Variants in UNC5CL observed in about 807,000 individuals in gnomAD.
The protein encoded by UNC5CL is unc-5 family C-terminal like.
UNC5CL carries 42 observed loss-of-function variants against 54.1 expected under a neutral mutation model. The observed-to-expected ratio is 0.78, with a 90% confidence interval of 0.61 to 1.00. The LOEUF (loss-of-function observed/expected upper bound fraction) is 1.00, where lower values mean the gene tolerates loss of function less well. UNC5CL is among the 50% of genes least tolerant of loss of function. The pLI is 0.00. For missense variants in UNC5CL, 619 were observed against 675.6 expected, an observed-to-expected ratio of 0.92 and a Z score of 0.93; for synonymous variants, 285 against 285.1, an observed-to-expected ratio of 1.00 and a Z score of 0.00.
intron 5 of UNC5CL, 75 bp from the exon 6 acceptor site, chr6:41,031,823 C>G: frequency 6.7e-7 from 1 of 1,495,546 alleles, no homozygotes; most frequent in Non-Finnish European, 9.3e-7. Flanking sequence ...AGGTAAGGGA[C>G]TCTATAGTAA....
rs1581974161 is a variant in UNC5CL, at chr6:41,028,510, G to A, written c.1420C>T (p.Leu474Phe). Residue 474 changes from leucine to phenylalanine, a missense_variant, in exon 9 of 9, where the codon CTC (leucine) becomes TTC (phenylalanine). Transcript: ENST00000244565. The surrounding 1 kb of genome is among the most constrained non-coding windows in gnomAD (Gnocchi z 4.3). The part of the protein sequence containing the change: ...QNGSLQELHY[L>F]MTVMERLDCA... ...TCTAGCCGCTCCATGACGGTCATGA[G>A]GTAGTGCAGCTCCTGCAGGCTGCCG... 16 of 1,613,896 alleles carry A rather than the reference G, an allele frequency of 9.9e-6. No homozygotes were observed. The highest frequency in any genetic ancestry group is 1.3e-5 in the Non-Finnish European group (15 of 1,180,022).
At chr6:41,038,348 T>C (rs1165601603) in intron 1 of UNC5CL, among the ~76,000 whole-genome samples, 2 of 152,070 alleles carry the variant, frequency 1.3e-5, no homozygotes, top group Admixed American at 6.5e-5. Context: ...TACACAGCAG[T>C]AACCTTCCTG....
intron 6 of UNC5CL, 119 bp from the exon 7 acceptor site, chr6:41,030,874 C>A: frequency 1.2e-6 from 1 of 869,460 alleles, no homozygotes; most frequent in Non-Finnish European, 1.8e-6. Context: ...TCAGAGCCAC[C>A]TTACCAGGAG....
At chr6:41,036,881 TC>T (rs1007944920) in intron 1 of UNC5CL, among the ~76,000 whole-genome samples, 2 of 152,094 alleles carry the variant, frequency 1.3e-5, no homozygotes, top group Non-Finnish European at 2.9e-5. Flanking sequence ...GGCTGAGACT[TC>T]CCAGTAGCTC....
At position 41,034,021 on chromosome 6, in the gene UNC5CL, T is replaced by A; in HGVS notation, c.546A>T (p.Lys182Asn). 6.2e-7 allele frequency: 1 copy of A among 1,614,164 alleles called. No homozygotes were observed. Among genetic ancestry groups the A allele is most frequent in the East Asian group, 2.2e-5 (1 of 44,880 alleles). Residue 182 changes from lysine to asparagine, a missense_variant, in exon 3 of 9, where the codon AAA becomes AAT. Transcript: ENST00000244565. The part of the protein sequence containing the change: ...SFLKPCTLTF[K>N]HCAEQPSHAR... ...CATGGCTGGGCTGCTCGGCACAGTG[T>A]TTGAACGTGAGAGTGCAAGGCTTCA...
rs1283075291 is a variant in UNC5CL at position 41,028,798 on chromosome 6, G to C, written c.1335-203C>G. ...TGAAACTTGAGATTGTCCTGGCTTG[G>C]AGGCCAACTCTGACCCCTACTCCTC... On this transcript the variant is annotated intron_variant, in intron 8 of 8. Coordinates refer to ENST00000244565, the MANE Select transcript of UNC5CL (RefSeq NM_173561.3). This position sits in a 1 kb window ranked among gnomAD's most constrained non-coding sequence, Gnocchi z 4.3. 6.6e-6 allele frequency among the ~76,000 whole-genome samples: 1 copy of C among 152,090 alleles called. No individual in the cohort carries two copies. Among genetic ancestry groups the C allele is most frequent in the African/African-American group, 2.4e-5 (1 of 41,412 alleles).
At position 41,029,760 on chromosome 6, in the gene UNC5CL, C is replaced by T. The variant is rs1430847577; in HGVS notation, c.1334+628G>A. Among the ~76,000 whole-genome samples, 1 of 152,086 alleles carries T rather than the reference C, an allele frequency of 6.6e-6. No homozygotes were observed. Among genetic ancestry groups the T allele is most frequent in the Non-Finnish European group, 1.5e-5 (1 of 68,012 alleles). On this transcript the variant is annotated intron_variant, in intron 8 of 8. Transcript: ENST00000244565. The surrounding 1 kb of genome is among the most constrained non-coding windows in gnomAD (Gnocchi z 4.1). ...CTGAGGCAGGAGAATTACTTGAACCCGGGAGATGGAGGTTGCAGTGAGCCA... is the reference window on the plus strand; with the variant it reads ...CTGAGGCAGGAGAATTACTTGAACCTGGGAGATGGAGGTTGCAGTGAGCCA...
At chr6:41,036,341 G>A (rs1762523458) in intron 1 of UNC5CL, among the ~76,000 whole-genome samples, 1 of 152,172 alleles carries the variant, frequency 6.6e-6, no homozygotes, top group Non-Finnish European at 1.5e-5. Flanking sequence ...TATTTCAAGT[G>A]CCCAGTAGCC....
intron 2 of UNC5CL, among the ~76,000 whole-genome samples, 160 bp downstream of exon 2, chr6:41,034,530 G>A (rs1464366603): frequency 6.6e-6 from 1 of 152,198 alleles, no homozygotes; most frequent in Non-Finnish European, 1.5e-5. Context: ...TGTCCCAAAA[G>A]ATATGTAATA....
chr6:41,035,900 T>C (rs1189789061), intron 1 of UNC5CL, among the ~76,000 whole-genome samples: 1 of 152,200 alleles, frequency 6.6e-6, no homozygotes, highest in African/African-American at 2.4e-5. Flanking sequence ...TGTACCTCAG[T>C]TTCCTCATCT....
chr6:41,027,076 T>A lies in UNC5CL; in HGVS notation c.*1297A>T, dbSNP rs1282087949. The A allele has an allele frequency of 6.6e-6, 1 of 152,240 alleles. No individual in the cohort carries two copies. Among genetic ancestry groups the A allele is most frequent in the East Asian group, 1.9e-4 (1 of 5,198 alleles). The allele number at this position is 152,240 out of a possible 1,614,324, so 9.4% of individuals were successfully genotyped here. ...CTCTGTTCAGGACCCAGCCCATTCATGTCTTTTGTATACAGTATCAAACAC... is the reference window on the plus strand; with the variant it reads ...CTCTGTTCAGGACCCAGCCCATTCAAGTCTTTTGTATACAGTATCAAACAC... On this transcript the variant is annotated 3_prime_UTR_variant, in exon 9 of 9. Coordinates refer to ENST00000244565, the MANE Select transcript of UNC5CL (RefSeq NM_173561.3).
chr6:41,031,830 GT>G, intron 5 of UNC5CL, 82 bp from the exon 6 acceptor site: 1 of 1,463,150 alleles, frequency 6.8e-7, no homozygotes, highest in Non-Finnish European at 9.6e-7. Flanking sequence ...GGACTCTATA[GT>G]AAGACTTGGG....
At chr6:41,030,185 C>T (rs777666505) in intron 8 of UNC5CL, among the ~76,000 whole-genome samples, 4 of 152,210 alleles carry the variant, frequency 2.6e-5, no homozygotes, top group Non-Finnish European at 5.9e-5. Flanking sequence ...AATTGAGCAC[C>T]TACTATGCAC....
chr6:41,038,999 C>T (rs1762551829), intron 1 of UNC5CL, among the ~76,000 whole-genome samples, 163 bp downstream of exon 1: 1 of 152,060 alleles, frequency 6.6e-6, no homozygotes, highest in Non-Finnish European at 1.5e-5. Context: ...CAGTGGTCCT[C>T]ATACCCATTG....
Position 41,031,752 on chromosome 6 carries a change from T to G in UNC5CL, c.1052-4A>C. On this transcript the variant is annotated splice_polypyrimidine_tract_variant and splice_region_variant and intron_variant, in intron 5 of 8. Transcript: ENST00000244565. ...GAACAGTCCTCATTCTCATCGGCTA[T>G]AAAGAGAAGGTGACAGCGTGGCCAG... 1 of 1,614,092 alleles carries G rather than the reference T, an allele frequency of 6.2e-7. No individual in the cohort carries two copies.
In UNC5CL at chr6:41,031,526, C is replaced by T. The variant is rs142231415; in HGVS notation, c.1119+155G>A. Among the ~76,000 whole-genome samples, 848 of 152,264 alleles carry T rather than the reference C, an allele frequency of 5.6e-3. 11 individuals carry two copies. Among genetic ancestry groups the T allele is most frequent in the African/African-American group, 0.019 (790 of 41,546 alleles). ...GGGTAACTTGGAGCCCAGATGATCT[C>T]AGCCCCTCAAAGAGCTGGTATGGGG... is the stretch of plus-strand genomic sequence containing the variant. On this transcript the variant is annotated intron_variant, in intron 6 of 8. Transcript: ENST00000244565.
In UNC5CL at chr6:41,028,150, C is replaced by T; in HGVS notation, c.*223G>A. On this transcript the variant is annotated 3_prime_UTR_variant, in exon 9 of 9. Coordinates refer to ENST00000244565, the MANE Select transcript of UNC5CL (RefSeq NM_173561.3). The surrounding 1 kb of genome is among the most constrained non-coding windows in gnomAD (Gnocchi z 4.3). ...GCTGAGGCCATCTCCTGGGCTCCTG[C>T]GCCCTCTGCCGGCCAGGAGGGGACC... 1 of 566,032 alleles carries T rather than the reference C, an allele frequency of 1.8e-6. No homozygotes were observed. The highest frequency in any genetic ancestry group is 3.1e-6 in the Non-Finnish European group (1 of 323,270). 35.1% of individuals were successfully genotyped at this position (566,032 alleles called of 1,614,324 possible).
intron 1 of UNC5CL, among the ~76,000 whole-genome samples, chr6:41,036,890 C>T (rs1168158333): frequency 6.6e-6 from 1 of 152,204 alleles, no homozygotes. Flanking sequence ...TTCCCAGTAG[C>T]TCTTCCTGAG....
chr6:41,034,785 A>C lies in UNC5CL; in HGVS notation c.290T>G (p.Met97Arg). 1 of 1,614,178 alleles carries C rather than the reference A, an allele frequency of 6.2e-7. No homozygotes were observed. The highest frequency in any genetic ancestry group is 8.5e-7 in the Non-Finnish European group (1 of 1,180,036). ...TQGQTMVRQL[M>R]HKLLVFSARE... The stretch of plus-strand genomic sequence containing the variant: ...AGCCGAAAACACCAACAGTTTGTGC[A>C]TCAACTGGCGGACCATGGTCTGGCC... The change falls in exon 2 of 9, where the codon ATG (methionine) becomes AGG (arginine). Residue 97 changes from methionine (M) to arginine (R), a missense_variant. Coordinates refer to ENST00000244565, the MANE Select transcript of UNC5CL (RefSeq NM_173561.3).
Sources: allele counts gnomAD v4.1 joint callset (sites outside exome capture counted in the v4.1 genomes callset), GRCh38; gene constraint gnomAD v4.1.1; non-coding constraint Gnocchi (gnomAD v3.1); transcripts MANE v1.5; gene names NCBI Gene and HGNC (gene_info 2026-07-23, HGNC 2026-07-21).